SNTG1: variants seen among roughly 807,000 people sequenced by gnomAD.
SNTG1 encodes the protein gamma-1-syntrophin.
Under a neutral mutation model 74.7 loss-of-function variants are expected in SNTG1, and 39 were observed. The ratio of observed to expected loss-of-function variants is 0.52; its 90% confidence interval spans 0.40 to 0.68. The LOEUF is 0.68. Ranked by LOEUF, SNTG1 falls within the 30% of genes least tolerant of loss-of-function variation. The pLI, the probability that SNTG1 is intolerant of heterozygous loss-of-function variation, is 0.00. For synonymous variants in SNTG1, 254 were observed against 217.1 expected (o/e 1.17, Z -1.49); for missense variants, 685 against 609.5 (o/e 1.12, Z -1.30).
intron 2 of SNTG1, among the ~76,000 whole-genome samples, chr8:50,363,438 A>G (rs535146507): frequency 6.6e-6 from 1 of 152,230 alleles, no homozygotes; most frequent in Admixed American, 6.5e-5. Context: ...ACTGCTGGTC[A>G]TTGCAATCAG....
chr8:50,188,167 A>G (rs1015252607), intron 2 of SNTG1, among the ~76,000 whole-genome samples: 3 of 152,154 alleles, frequency 2.0e-5, no homozygotes, highest in African/African-American at 7.2e-5. Flanking sequence ...ATGGTGTTCC[A>G]TTCAGTGACC....
intron 3 of SNTG1, among the ~76,000 whole-genome samples, chr8:50,396,930 C>A (rs976940443): frequency 1.3e-5 from 2 of 152,126 alleles, no homozygotes; most frequent in African/African-American, 4.8e-5. Context: ...TAAACCCATG[C>A]AAATTCATAA....
intron 2 of SNTG1, among the ~76,000 whole-genome samples, chr8:50,262,984 A>G (rs372565833): frequency 1.6e-4 from 25 of 152,158 alleles, no homozygotes; most frequent in East Asian, 9.6e-4. Flanking sequence ...GTGCAGTTAA[A>G]ATACTCTGTT....
At chr8:50,256,154 T>A (rs949606496) in intron 2 of SNTG1, among the ~76,000 whole-genome samples, 1 of 152,162 alleles carries the variant, frequency 6.6e-6, no homozygotes, top group Non-Finnish European at 1.5e-5. Context: ...ATGTTCCATG[T>A]GTCTTTTTGT....
intron 1 of SNTG1, among the ~76,000 whole-genome samples, chr8:49,957,567 G>A (rs897352201): frequency 3.9e-5 from 6 of 152,206 alleles, no homozygotes; most frequent in Non-Finnish European, 5.9e-5. Flanking sequence ...GGATAGTCCA[G>A]CAGGAAAGAA....
At chr8:50,032,490 TGTGGTTCTTTGGCTAGAAA>T (rs1817816519) in intron 1 of SNTG1, among the ~76,000 whole-genome samples, 2 of 152,154 alleles carry the variant, frequency 1.3e-5, no homozygotes, top group South Asian at 4.1e-4. Flanking sequence ...CTGCTTTTTT[TGTGGTTCTTTGGCTAGAAA>T]GTGCAAATTT....
At chr8:50,034,024 C>T (rs886474134) in intron 1 of SNTG1, among the ~76,000 whole-genome samples, 5 of 152,028 alleles carry the variant, frequency 3.3e-5, no homozygotes, top group South Asian at 2.1e-4. Context: ...TAATTAATTG[C>T]TTTTTTGATG....
At chr8:50,673,839 G>T (rs1357962785) in intron 15 of SNTG1, among the ~76,000 whole-genome samples, 1 of 152,044 alleles carries the variant, frequency 6.6e-6, no homozygotes, top group East Asian at 1.9e-4. Flanking sequence ...TGATTATTTT[G>T]AGATATGTTC....
chr8:50,604,661 T>C (rs1585822067), intron 13 of SNTG1, among the ~76,000 whole-genome samples: 1 of 152,030 alleles, frequency 6.6e-6, no homozygotes, highest in East Asian at 1.9e-4. Context: ...TCCCTTCTAC[T>C]ACAGGACAGG....
intron 1 of SNTG1, among the ~76,000 whole-genome samples, chr8:50,064,065 C>T (rs374914428): frequency 1.3e-5 from 2 of 152,092 alleles, no homozygotes; most frequent in East Asian, 1.9e-4. Flanking sequence ...TGGTGACAAT[C>T]GTGGTACCAG....
intron 9 of SNTG1, among the ~76,000 whole-genome samples, chr8:50,504,885 A>G (rs1174229355): frequency 6.6e-6 from 1 of 152,192 alleles, no homozygotes; most frequent in Non-Finnish European, 1.5e-5. Context: ...TACCATTTTA[A>G]GTGTTCAGAA....
chr8:50,490,644 G>A lies in SNTG1; in HGVS notation c.364-12134G>A, dbSNP rs192774520. Among the ~76,000 whole-genome samples, 33 of 152,344 alleles carry A rather than the reference G, an allele frequency of 2.2e-4. No individual in the cohort carries two copies. The East Asian group carries it at 3.9e-3, about 18-fold the overall frequency. Reference sequence around the variant, plus strand: ...AAAAATTGTCCTGAAGGTTAAAACCGTAAATCCACATTGGAGGAACTGCAG... The same window carrying A: ...AAAAATTGTCCTGAAGGTTAAAACCATAAATCCACATTGGAGGAACTGCAG... On this transcript the variant is annotated intron_variant, in intron 8 of 18. Transcript: ENST00000642720.
chr8:50,450,048 G>A (rs188087989), intron 6 of SNTG1, among the ~76,000 whole-genome samples: 62 of 152,290 alleles, frequency 4.1e-4, no homozygotes, highest in African/African-American at 1.4e-3. Context: ...ATCAAGTAAA[G>A]ACAATTTCAA....
rs545331637 is a variant in SNTG1 at position 50,633,732 on chromosome 8, A to G, written c.850-23177A>G. ...GTGTAGGAAATGAACCCCAAATTCT[A>G]TGGCGCTGAAACAGGTACCCATGTT... On this transcript the variant is annotated intron_variant, in intron 13 of 18. Transcript: ENST00000642720. Among the ~76,000 whole-genome samples the G allele has an allele frequency of 3.9e-4, 60 of 152,142 alleles. 2 individuals carry two copies. Among genetic ancestry groups the G allele is most frequent in the Non-Finnish European group, 7.5e-4 (51 of 68,030 alleles).
intron 15 of SNTG1, among the ~76,000 whole-genome samples, chr8:50,659,651 G>A (rs781098658): frequency 1.3e-5 from 2 of 152,088 alleles, no homozygotes; most frequent in Non-Finnish European, 2.9e-5. Flanking sequence ...ATAGTTCATT[G>A]ATTGCTCATC....
intron 16 of SNTG1, 55 bp downstream of exon 16, chr8:50,704,807 C>T: frequency 6.3e-7 from 1 of 1,579,034 alleles, no homozygotes; most frequent in Non-Finnish European, 8.7e-7. Flanking sequence ...ATGACCACTT[C>T]CCTAGAGTTC....
chr8:50,170,567 T>C (rs900282133), intron 1 of SNTG1, among the ~76,000 whole-genome samples: 1 of 152,216 alleles, frequency 6.6e-6, no homozygotes, highest in Non-Finnish European at 1.5e-5. Flanking sequence ...TGGTTATCTA[T>C]TGCTGCATAA....
At chr8:49,998,129 A>G (rs1354949600) in intron 1 of SNTG1, among the ~76,000 whole-genome samples, 1 of 152,210 alleles carries the variant, frequency 6.6e-6, no homozygotes, top group African/African-American at 2.4e-5. Context: ...GTATCTACAC[A>G]TACATAAACA....
chr8:50,182,214 A>G (rs2083231049), intron 2 of SNTG1, among the ~76,000 whole-genome samples: 2 of 152,204 alleles, frequency 1.3e-5, no homozygotes, highest in Admixed American at 6.5e-5. Flanking sequence ...ATATATAATA[A>G]TAACACCAGT....
Sources: allele counts gnomAD v4.1 joint callset (sites outside exome capture counted in the v4.1 genomes callset), GRCh38; gene constraint gnomAD v4.1.1; transcripts MANE v1.5; gene names NCBI Gene and HGNC (gene_info 2026-07-23, HGNC 2026-07-21).